CSMD1: variants seen among roughly 807,000 people sequenced by gnomAD.
CSMD1 encodes CUB and sushi domain-containing protein 1.
CSMD1 carries 213 observed loss-of-function variants against 417.5 expected under a neutral mutation model. The observed-to-expected ratio is 0.51, with a 90% CI of 0.46 to 0.57. The LOEUF is 0.57. CSMD1 is among the 20% of genes least tolerant of loss of function. The pLI is 0.00. For synonymous variants in CSMD1, 2,862 were observed against 1,736.8 expected, an observed-to-expected ratio of 1.65 and a Z score of -16.11; for missense variants, 6,923 against 4,529.7, an observed-to-expected ratio of 1.53 and a Z score of -15.17.
At chr8:3,648,715 T>C (rs1342629837) in intron 7 of CSMD1, among the ~76,000 whole-genome samples, 1 of 152,290 alleles carries the variant, frequency 6.6e-6, no homozygotes, top group African/African-American at 2.4e-5. Flanking sequence ...TGCCTGATCA[T>C]TTACAGAAGT....
chr8:4,868,623 T>A (rs1802553701), intron 1 of CSMD1, among the ~76,000 whole-genome samples: 2 of 152,132 alleles, frequency 1.3e-5, no homozygotes, highest in Admixed American at 6.5e-5. Flanking sequence ...AAGTGTTCAA[T>A]CATCTACTTA....
At chr8:4,408,696 C>A (rs760856857) in intron 3 of CSMD1, among the ~76,000 whole-genome samples, 1 of 152,084 alleles carries the variant, frequency 6.6e-6, no homozygotes, top group Non-Finnish European at 1.5e-5. Flanking sequence ...AGAATAAGCC[C>A]ATAGTTGACC....
chr8:4,652,057 C>A (rs1466314254), intron 1 of CSMD1, among the ~76,000 whole-genome samples: 1 of 152,128 alleles, frequency 6.6e-6, no homozygotes, highest in Non-Finnish European at 1.5e-5. Flanking sequence ...ATGATTGAGT[C>A]AGGAAGAACT....
rs777556733 is a variant in CSMD1 at position 4,099,858 on chromosome 8, C to T, written c.416-67759G>A. ...GCTCCCTTAGAACATCCTTCTTTTCCGTTTATTTAAGTTTTAGTTGTACTG... is the reference window on the plus strand; with the variant it reads ...GCTCCCTTAGAACATCCTTCTTTTCTGTTTATTTAAGTTTTAGTTGTACTG... On this transcript the variant is annotated intron_variant, in intron 3 of 69. Coordinates refer to ENST00000635120, the MANE Select transcript of CSMD1 (RefSeq NM_033225.6). Among the ~76,000 whole-genome samples the T allele has an allele frequency of 4.6e-5, 7 of 152,022 alleles. No individual in the cohort carries two copies. In the South Asian group the frequency reaches 8.3e-4, roughly 18 times the overall value.
intron 2 of CSMD1, among the ~76,000 whole-genome samples, chr8:4,472,270 C>A (rs1301219975): frequency 6.6e-6 from 1 of 152,042 alleles, no homozygotes; most frequent in African/African-American, 2.4e-5. Context: ...CAGATGCAGT[C>A]TCTTCTAATA....
chr8:4,844,425 C>T (rs536724156), intron 1 of CSMD1, among the ~76,000 whole-genome samples: 11 of 152,270 alleles, frequency 7.2e-5, no homozygotes, highest in African/African-American at 2.2e-4. Context: ...CTTTCACCCA[C>T]TCCTTTTATT....
intron 6 of CSMD1, among the ~76,000 whole-genome samples, chr8:3,735,961 A>G (rs914957469): frequency 3.3e-5 from 5 of 152,184 alleles, no homozygotes; most frequent in African/African-American, 4.8e-5. Flanking sequence ...AACAGTAGAC[A>G]GGTAAATGGG....
Position 4,700,510 on chromosome 8 carries a change from A to AT in CSMD1, c.86-62953dup, listed in dbSNP as rs1584962973. Among the ~76,000 whole-genome samples the AT allele has an allele frequency of 2.0e-5, 3 of 152,266 alleles. No individual in the cohort carries two copies. In the East Asian group the frequency reaches 5.8e-4, roughly 29 times the overall value. On this transcript the variant is annotated intron_variant, in intron 1 of 69. Coordinates refer to ENST00000635120, the MANE Select transcript of CSMD1 (RefSeq NM_033225.6). ...AAACTATAAAACTATGCATGTTACAATGAAAAGGTGTCTAATAGAGAGACA... is the reference window on the plus strand; with the variant it reads ...AAACTATAAAACTATGCATGTTACAATTGAAAAGGTGTCTAATAGAGAGACA...
At chr8:3,177,176 T>A (rs1043138493) in intron 37 of CSMD1, among the ~76,000 whole-genome samples, 1 of 152,118 alleles carries the variant, frequency 6.6e-6, no homozygotes, top group Non-Finnish European at 1.5e-5. Flanking sequence ...CAGAAAAGAA[T>A]CATCAGCTTA....
intron 6 of CSMD1, among the ~76,000 whole-genome samples, chr8:3,712,043 C>T (rs1319081736): frequency 1.3e-5 from 2 of 152,170 alleles, no homozygotes; most frequent in African/African-American, 4.8e-5. Flanking sequence ...GTGTTTGATG[C>T]TCTGTAAAGC....
At chr8:3,982,287 C>G (rs1335871397) in intron 5 of CSMD1, among the ~76,000 whole-genome samples, 1 of 151,332 alleles carries the variant, frequency 6.6e-6, no homozygotes, top group East Asian at 1.9e-4. Context: ...GTCTACATTC[C>G]TGAGTTGTGT....
intron 1 of CSMD1, among the ~76,000 whole-genome samples, chr8:4,661,114 T>C (rs1427877080): frequency 6.6e-6 from 1 of 152,176 alleles, no homozygotes; most frequent in African/African-American, 2.4e-5. Flanking sequence ...ATTGTACTAC[T>C]AGGCATTTAT....
intron 41 of CSMD1, among the ~76,000 whole-genome samples, chr8:3,121,166 GATTTCTGTGT>G (rs1346527415): frequency 6.6e-6 from 1 of 152,078 alleles, no homozygotes. Context: ...AGATTGTATA[GATTTCTGTGT>G]ATTTATTTAT....
intron 2 of CSMD1, among the ~76,000 whole-genome samples, chr8:4,448,977 C>G (rs1798974793): frequency 6.6e-6 from 1 of 152,120 alleles, no homozygotes; most frequent in Admixed American, 6.5e-5. Flanking sequence ...TCCTAAGGTA[C>G]AAATGGATAG....
intron 7 of CSMD1, among the ~76,000 whole-genome samples, chr8:3,688,551 A>G (rs1585078321): frequency 6.6e-6 from 1 of 152,244 alleles, no homozygotes; most frequent in Admixed American, 6.5e-5. Context: ...ACTACAATGC[A>G]TGTGCTTAAT....
chr8:3,956,872 C>G (rs35445335), intron 5 of CSMD1, among the ~76,000 whole-genome samples: 68,979 of 151,862 alleles, frequency 0.45, 16,458 homozygotes, highest in East Asian at 0.73. Context: ...CCTTGGAATG[C>G]TGCAAATGTA....
intron 1 of CSMD1, among the ~76,000 whole-genome samples, chr8:4,900,624 T>G (rs1461123306): frequency 6.6e-6 from 1 of 152,162 alleles, no homozygotes; most frequent in Non-Finnish European, 1.5e-5. Context: ...TTCGTGCCCC[T>G]AGGCTGTTCA....
intron 3 of CSMD1, among the ~76,000 whole-genome samples, chr8:4,290,058 C>T (rs1019296205): frequency 3.3e-5 from 5 of 152,170 alleles, no homozygotes; most frequent in Admixed American, 3.3e-4. Context: ...CCAACAACTG[C>T]AAATTCAGCA....
intron 5 of CSMD1, among the ~76,000 whole-genome samples, chr8:3,764,438 C>A (rs187373339): frequency 1.3e-5 from 2 of 152,174 alleles, no homozygotes; most frequent in Non-Finnish European, 2.9e-5. Context: ...AGACACCTTA[C>A]TGGGCCCTGA....
Sources: allele counts gnomAD v4.1 joint callset (sites outside exome capture counted in the v4.1 genomes callset), GRCh38; gene constraint gnomAD v4.1.1; transcripts MANE v1.5; gene names NCBI Gene and HGNC (gene_info 2026-07-23, HGNC 2026-07-21).